The following PHC2 variants were observed in gnomAD, a reference collection of about 807,000 sequenced individuals.
PHC2 encodes polyhomeotic homolog 2, also known as polyhomeotic-like protein 2.
A neutral mutation model predicts 87.4 loss-of-function variants in PHC2; 29 were observed. The ratio of observed to expected loss-of-function variants is 0.33; its 90% CI spans 0.25 to 0.45. PHC2 has a LOEUF of 0.45. PHC2 is among the 20% of genes least tolerant of loss of function. The pLI is 1.00. For missense variants in PHC2, 857 were observed against 1,136.7 expected (o/e 0.75, Z 3.54); for synonymous variants, 438 against 461.7 (o/e 0.95, Z 0.66).
At chr1:33,379,352 T>C (rs1412422000) in intron 1 of PHC2, among the ~76,000 whole-genome samples, 2 of 41,086 alleles carry the variant, frequency 4.9e-5, no homozygotes, top group African/African-American at 9.9e-5. Flanking sequence ...CACCGCCCCC[T>C]GCCCCCCCCA....
Position 33,354,510 on chromosome 1 carries a change from C to T in PHC2, c.1449G>A (p.Val483=). ...GTGATGGGCCAGACCGCGTCTCAGG[C>T]ACACTTTTCTCCCCTGGTGCCACTT... is the stretch of plus-strand genomic sequence containing the variant. ...WKEVAPGEKS[V]PETRSGPSPH... Residue 483 remains valine (V), a synonymous_variant, in exon 9 of 15, where the codon GTG becomes GTA. Transcript: ENST00000683057. 6.2e-7 allele frequency: 1 copy of T among 1,614,174 alleles called. No homozygotes were observed.
At chr1:33,372,547 C>G (rs973583972) in intron 2 of PHC2, 100 bp from the exon 3 acceptor site, 4 of 1,046,664 alleles carry the variant, frequency 3.8e-6, no homozygotes, top group African/African-American at 1.7e-5. Context: ...TATAACTGCT[C>G]GGGAGACACC....
chr1:33,341,850 T>G (rs1228108120), intron 9 of PHC2, among the ~76,000 whole-genome samples: 1 of 152,226 alleles, frequency 6.6e-6, no homozygotes, highest in Non-Finnish European at 1.5e-5. Flanking sequence ...CCTTCCCACC[T>G]GGGGTCCTCT....
At position 33,324,010 on chromosome 1, in the gene PHC2, C is replaced by T. The variant is rs930897443; in HGVS notation, c.*855G>A. 1.6e-4 allele frequency: 25 copies of T among 152,418 alleles called. 1 individual carries two copies. The highest frequency in any genetic ancestry group is 1.3e-3 in the Admixed American group (20 of 15,308). The allele number at this position is 152,418 out of a possible 1,614,324, so 9.4% of individuals were successfully genotyped here. A position where few individuals can be genotyped will look rare whatever the true frequency, so the allele number is the denominator to read the frequency against. ...CTTTGGGCTATGTTGCTCAGACCAC[C>T]GCAGCTTTCTTAATGCTCTTTGTGA... On this transcript the variant is annotated 3_prime_UTR_variant, in exon 15 of 15. Transcript: ENST00000683057.
At position 33,368,938 on chromosome 1, in the gene PHC2, G is replaced by A. The variant is rs1428443079; in HGVS notation, c.577-316C>T. 1.3e-5 allele frequency among the ~76,000 whole-genome samples: 2 copies of A among 152,142 alleles called. No homozygotes were observed. The highest frequency in any genetic ancestry group is 2.9e-5 in the Non-Finnish European group (2 of 68,010). ...AGCCGAGTTCCCTTCAGAACCCTCT[G>A]TGAGGGGCTCATCCTAGAGGAGACC... On this transcript the variant is annotated intron_variant, in intron 5 of 14. Transcript: ENST00000683057. This position sits in a 1 kb window ranked among gnomAD's most constrained non-coding sequence, Gnocchi z 6.6.
At chr1:33,356,255 A>G (rs1042238039) in intron 7 of PHC2, among the ~76,000 whole-genome samples, 1 of 80,818 alleles carries the variant, frequency 1.2e-5, no homozygotes, top group African/African-American at 4.7e-5. Context: ...ATTCTTATAT[A>G]TATATATATA....
intron 7 of PHC2, 107 bp downstream of exon 7, chr1:33,367,009 G>C (rs1647491041): frequency 5.2e-6 from 5 of 962,370 alleles, no homozygotes; most frequent in Non-Finnish European, 7.9e-6. Flanking sequence ...GAGATCCATG[G>C]CTGGTATCTT....
intron 1 of PHC2, among the ~76,000 whole-genome samples, chr1:33,393,992 G>A (rs1198919716): frequency 6.6e-6 from 1 of 152,184 alleles, no homozygotes; most frequent in Non-Finnish European, 1.5e-5. Flanking sequence ...ATCTGCCTTT[G>A]TTCAGAAAGG....
chr1:33,406,166 T>C (rs1203648588), intron 1 of PHC2, among the ~76,000 whole-genome samples: 1 of 152,180 alleles, frequency 6.6e-6, no homozygotes, highest in Non-Finnish European at 1.5e-5. Context: ...TATTTTGAGG[T>C]CATTTTATTT....
intron 1 of PHC2, among the ~76,000 whole-genome samples, chr1:33,402,157 AT>A (rs2148377735): frequency 6.6e-6 from 1 of 152,334 alleles, no homozygotes; most frequent in Admixed American, 6.5e-5. Flanking sequence ...CTTGAATTGA[AT>A]TTTCTACATG....
chr1:33,353,304 T>C (rs144821636), intron 9 of PHC2: 1 of 152,228 alleles, frequency 6.6e-6, no homozygotes, highest in Non-Finnish European at 1.5e-5. Context: ...TGGACTCTTA[T>C]AATTCACAAG....
chr1:33,331,975 G>A lies in PHC2; in HGVS notation c.1891+300C>T, dbSNP rs560182732. Among the ~76,000 whole-genome samples the A allele has an allele frequency of 6.6e-5, 10 of 152,166 alleles. No individual in the cohort carries two copies. The South Asian group carries it at 2.1e-3, about 32-fold the overall frequency. ...AGTCTCAAGGCAGGGACGAAGGGCA[G>A]GACTTGCCTGGGGCCACTCCTACAG... On this transcript the variant is annotated intron_variant, in intron 11 of 14. Coordinates refer to ENST00000683057, the MANE Select transcript of PHC2 (RefSeq NM_001385109.1). The surrounding 1 kb of genome is among the most constrained non-coding windows in gnomAD (Gnocchi z 5.2).
Position 33,368,392 on chromosome 1 carries a change from C to G in PHC2, c.663+144G>C. On this transcript the variant is annotated intron_variant, in intron 6 of 14. Coordinates refer to ENST00000683057, the MANE Select transcript of PHC2 (RefSeq NM_001385109.1). This position sits in a 1 kb window ranked among gnomAD's most constrained non-coding sequence, Gnocchi z 6.6. ...GAGGCCTTCTGGAACAGGGTAGACG[C>G]GCAGGCCTGGGGGCATTGGGGTGTC... 1.7e-6 allele frequency: 1 copy of G among 600,032 alleles called. No homozygotes were observed. The highest frequency in any genetic ancestry group is 3.0e-6 in the Non-Finnish European group (1 of 338,510). The allele number at this position is 600,032 out of a possible 1,614,324, so 37.2% of individuals were successfully genotyped here.
chr1:33,389,363 A>G (rs1032582661), intron 1 of PHC2, among the ~76,000 whole-genome samples: 1 of 152,170 alleles, frequency 6.6e-6, no homozygotes, highest in Non-Finnish European at 1.5e-5. Flanking sequence ...GGGTGTTTGG[A>G]TTAATCTTAA....
chr1:33,370,182 G>A (rs1647734053), intron 5 of PHC2, among the ~76,000 whole-genome samples: 1 of 152,176 alleles, frequency 6.6e-6, no homozygotes. Flanking sequence ...GGAGGAGAAG[G>A]AAAGGTGGCA....
intron 9 of PHC2, chr1:33,346,743 G>A (rs1570466865): frequency 1.0e-5 from 10 of 985,228 alleles, no homozygotes; most frequent in South Asian, 4.7e-5. Flanking sequence ...GTTACTGAAC[G>A]CCTGGCCTGA....
chr1:33,404,296 A>T (rs781493954), intron 1 of PHC2, among the ~76,000 whole-genome samples: 1 of 152,148 alleles, frequency 6.6e-6, no homozygotes, highest in Non-Finnish European at 1.5e-5. Context: ...TTTTCTTCCT[A>T]GGAAAAGGTT....
intron 2 of PHC2, 83 bp from the exon 3 acceptor site, chr1:33,372,530 A>C: frequency 7.7e-7 from 1 of 1,291,222 alleles, no homozygotes; most frequent in Non-Finnish European, 1.0e-6. Context: ...TGCCCACCCC[A>C]GGTCTCTATA....
chr1:33,345,507 A>G, intron 9 of PHC2: 1 of 979,480 alleles, frequency 1.0e-6, no homozygotes. Flanking sequence ...AGGAGAAGGA[A>G]ACAAAAAAAA....
Sources: allele counts gnomAD v4.1 joint callset (sites outside exome capture counted in the v4.1 genomes callset), GRCh38; gene constraint gnomAD v4.1.1; non-coding constraint Gnocchi (gnomAD v3.1); transcripts MANE v1.5; gene names NCBI Gene and HGNC (gene_info 2026-07-23, HGNC 2026-07-21).